NCOA2: variants seen among roughly 807,000 people sequenced by gnomAD.
NCOA2 encodes the protein class E basic helix-loop-helix protein 75.
Under a neutral mutation model 145.1 loss-of-function variants are expected in NCOA2, and 21 were observed. The ratio of observed to expected loss-of-function variants is 0.14; its 90% CI spans 0.10 to 0.21. The LOEUF is 0.21. Among genes scored for constraint, NCOA2 ranks in the 10% least tolerant of loss-of-function variants. The probability of loss-of-function intolerance (pLI) is 1.00; values close to 1 mark genes in which losing one functional copy is unlikely to be tolerated. For missense variants in NCOA2, 1,472 were observed against 1,837.6 expected (o/e 0.80, Z 3.64); for synonymous variants, 619 against 637.5 (o/e 0.97, Z 0.44).
intron 2 of NCOA2, among the ~76,000 whole-genome samples, chr8:70,286,031 A>C (rs1015497505): frequency 6.6e-6 from 1 of 152,230 alleles, no homozygotes; most frequent in Non-Finnish European, 1.5e-5. Context: ...ATTTGATGAA[A>C]TAAAAAGCAT....
At chr8:70,234,165 T>C (rs1821395598) in intron 2 of NCOA2, among the ~76,000 whole-genome samples, 1 of 152,234 alleles carries the variant, frequency 6.6e-6, no homozygotes, top group Non-Finnish European at 1.5e-5. Flanking sequence ...TTTTCAAGGC[T>C]CAGCAACACT....
chr8:70,236,467 T>C (rs1821615342), intron 2 of NCOA2, among the ~76,000 whole-genome samples: 2 of 152,028 alleles, frequency 1.3e-5, no homozygotes, highest in South Asian at 4.1e-4. Flanking sequence ...CTTACCTAAG[T>C]TCTTTTGCTT....
chr8:70,429,527 G>C, the NCOA2 span, among the ~76,000 whole-genome samples: 1 of 152,072 alleles, frequency 6.6e-6, no homozygotes, highest in Non-Finnish European at 1.5e-5. Flanking sequence ...TTCTAGATTA[G>C]AGTCACTTTG....
chr8:70,167,645 A>AAAATC (rs1327408989), intron 6 of NCOA2, among the ~76,000 whole-genome samples: 1 of 152,236 alleles, frequency 6.6e-6, no homozygotes, highest in Non-Finnish European at 1.5e-5. Flanking sequence ...ATAAGACTGA[A>AAAATC]AAATCCTTGA....
chr8:70,319,060 A>G (rs1419941149), intron 1 of NCOA2, among the ~76,000 whole-genome samples: 3 of 152,208 alleles, frequency 2.0e-5, no homozygotes. Context: ...AACTTTCCAC[A>G]TTAACATTCA....
In NCOA2 at chr8:70,403,512, A is replaced by G. The variant is rs1293548870; in HGVS notation, c.-77+188T>C. On this transcript the variant is annotated intron_variant, in intron 1 of 22. Coordinates refer to ENST00000452400, the MANE Select transcript of NCOA2 (RefSeq NM_006540.4). Reference sequence around the variant, plus strand: ...TCCCCAGCGTCGCTGCGCCTCCGGGATGCAACTCCCGTTTTCCGCGCACTC... The same window carrying G: ...TCCCCAGCGTCGCTGCGCCTCCGGGGTGCAACTCCCGTTTTCCGCGCACTC... Among the ~76,000 whole-genome samples the G allele has an allele frequency of 4.4e-5, 6 of 135,890 alleles. No homozygotes were observed. The East Asian group carries it at 1.4e-3, about 31-fold the overall frequency. The allele number at this position is 135,890 out of a possible 152,430, so 89.1% of individuals were successfully genotyped here.
intron 2 of NCOA2, among the ~76,000 whole-genome samples, chr8:70,257,372 T>C (rs1437063309): frequency 6.6e-6 from 1 of 152,222 alleles, no homozygotes; most frequent in Non-Finnish European, 1.5e-5. Context: ...TTCCTAAATG[T>C]AGGGCACTGT....
At chr8:70,167,767 GACA>G (rs1366916631) in intron 6 of NCOA2, among the ~76,000 whole-genome samples, 2 of 152,114 alleles carry the variant, frequency 1.3e-5, no homozygotes, top group Non-Finnish European at 2.9e-5. Context: ...AGAGAGGAAA[GACA>G]ACAATTATTT....
chr8:70,336,898 G>A (rs1482600854), intron 1 of NCOA2, among the ~76,000 whole-genome samples: 1 of 152,102 alleles, frequency 6.6e-6, no homozygotes. Flanking sequence ...AAATAATGGT[G>A]CTGTGAACAC....
chr8:70,239,948 G>A (rs762272818), intron 2 of NCOA2, among the ~76,000 whole-genome samples: 1 of 152,192 alleles, frequency 6.6e-6, no homozygotes, highest in Non-Finnish European at 1.5e-5. Context: ...TGCTACTACA[G>A]TCAACAAGTT....
the NCOA2 span, among the ~76,000 whole-genome samples, chr8:70,416,738 C>T: frequency 2.0e-5 from 3 of 152,104 alleles, no homozygotes; most frequent in Non-Finnish European, 4.4e-5. Flanking sequence ...CATCCCATGG[C>T]AGAAGGGAAA....
At chr8:70,292,790 T>G (rs1014190755) in intron 2 of NCOA2, among the ~76,000 whole-genome samples, 5 of 152,172 alleles carry the variant, frequency 3.3e-5, no homozygotes, top group Non-Finnish European at 5.9e-5. Context: ...TGAGGAAAAC[T>G]AAGCTAACCG....
intron 2 of NCOA2, among the ~76,000 whole-genome samples, chr8:70,252,888 T>C (rs1181790094): frequency 2.0e-5 from 3 of 152,374 alleles, no homozygotes; most frequent in East Asian, 1.9e-4. Context: ...TAGACACTTG[T>C]GACAAAAGGT....
the NCOA2 span, among the ~76,000 whole-genome samples, chr8:70,409,692 A>G: frequency 6.6e-6 from 1 of 152,116 alleles, no homozygotes; most frequent in Non-Finnish European, 1.5e-5. Context: ...CAACATGGTG[A>G]AACTCCATCT....
the NCOA2 span, among the ~76,000 whole-genome samples, chr8:70,455,666 G>A: frequency 1.3e-5 from 2 of 150,558 alleles, no homozygotes; most frequent in East Asian, 3.9e-4. Context: ...CCCAACGCGA[G>A]TCCTTCATTT....
intron 22 of NCOA2, among the ~76,000 whole-genome samples, chr8:70,117,040 G>A (rs1807226046): frequency 1.3e-5 from 2 of 152,216 alleles, no homozygotes; most frequent in African/African-American, 4.8e-5. Flanking sequence ...GCTGGGAAGA[G>A]AGAACATCCT....
rs1052230980 is a variant in NCOA2, at chr8:70,403,770, C to T, written c.-147G>A. 1.5e-5 allele frequency: 6 copies of T among 397,914 alleles called. No homozygotes were observed. The highest frequency in any genetic ancestry group is 4.1e-5 in the African/African-American group (2 of 48,682). 24.6% of individuals were successfully genotyped at this position (397,914 alleles called of 1,614,324 possible). A position where few individuals can be genotyped will look rare whatever the true frequency, so the allele number is the denominator to read the frequency against. On this transcript the variant is annotated 5_prime_UTR_variant, in exon 1 of 23. Coordinates refer to ENST00000452400, the MANE Select transcript of NCOA2 (RefSeq NM_006540.4). ...TGACCTTCGCCGCCGAAGCTGTAGC[C>T]GAGGCTGCGGCCGCCATGTTCCCGT...
At chr8:70,177,243 A>G (rs1224263868) in intron 4 of NCOA2, among the ~76,000 whole-genome samples, 2 of 152,172 alleles carry the variant, frequency 1.3e-5, no homozygotes, top group Admixed American at 1.3e-4. Flanking sequence ...AGACAGCTTG[A>G]AAGGTCTGCT....
intron 11 of NCOA2, among the ~76,000 whole-genome samples, chr8:70,149,664 A>G (rs979230823): frequency 2.0e-5 from 3 of 152,156 alleles, no homozygotes; most frequent in Non-Finnish European, 2.9e-5. Context: ...CTAGGAAGCT[A>G]AACTGGAATT....
Sources: allele counts gnomAD v4.1 joint callset (sites outside exome capture counted in the v4.1 genomes callset), GRCh38; gene constraint gnomAD v4.1.1; transcripts MANE v1.5; gene names NCBI Gene and HGNC (gene_info 2026-07-23, HGNC 2026-07-21).